The following FAM177B variants were observed in gnomAD, a reference collection of about 807,000 sequenced individuals.
FAM177B encodes the protein protein FAM177B.
FAM177B carries 16 observed loss-of-function variants against 16.1 expected under a neutral mutation model. The ratio of observed to expected loss-of-function variants is 0.99; its 90% CI spans 0.67 to 1.51. The LOEUF (loss-of-function observed/expected upper bound fraction) is 1.51. Among genes scored for constraint, FAM177B ranks in the 40% most tolerant of loss-of-function variants. The probability of loss-of-function intolerance (pLI) is 0.00; values close to 1 mark genes in which losing one functional copy is unlikely to be tolerated. For synonymous variants in FAM177B, 56 were observed against 59.9 expected (o/e 0.93, Z 0.30); for missense variants, 178 against 183.7 (o/e 0.97, Z 0.18).
At chr1:222,747,795 A>G (rs767799354) in intron 4 of FAM177B, among the ~76,000 whole-genome samples, 2 of 152,238 alleles carry the variant, frequency 1.3e-5, no homozygotes, top group African/African-American at 2.4e-5. Context: ...AGTGTCTACT[A>G]TATGCTCAGC....
chr1:222,749,106 C>T (rs1263475209), intron 4 of FAM177B: 4 of 470,950 alleles, frequency 8.5e-6, no homozygotes, highest in Admixed American at 7.1e-5. Flanking sequence ...TTGAAATATA[C>T]TTGGAGCAGA....
chr1:222,745,603 A>C (rs61824336), intron 2 of FAM177B, among the ~76,000 whole-genome samples: 128,115 of 151,814 alleles, frequency 0.84, 54,089 homozygotes, highest in East Asian at 0.92. Context: ...GGTGACAGAG[A>C]AAGACTCTGT....
Position 222,749,375 on chromosome 1 carries a change from T to A in FAM177B, c.242-90T>A. On this transcript the variant is annotated intron_variant, in intron 4 of 5. Coordinates refer to ENST00000445590, the MANE Select transcript of FAM177B (RefSeq NM_001394345.1). ...TAGTAATAGACCACTATTACTATAC[T>A]ATCAGAATAGTTTAAACTCTGGGCA... The A allele has an allele frequency of 4.2e-6, 3 of 708,790 alleles. No homozygotes were observed. In the South Asian group the frequency reaches 5.6e-5, roughly 13 times the overall value. 43.9% of individuals were successfully genotyped at this position (708,790 alleles called of 1,614,324 possible). A position where few individuals can be genotyped will look rare whatever the true frequency, so the allele number is the denominator to read the frequency against.
rs369907456 is a variant in FAM177B at position 222,741,057 on chromosome 1, CTTT to C, written c.-16+3055_-16+3057del. Among the ~76,000 whole-genome samples the C allele has an allele frequency of 2.7e-3, 220 of 82,186 alleles. 5 individuals are homozygous for C. In the South Asian group the frequency reaches 0.043, roughly 16 times the overall value. The allele number at this position is 82,186 out of a possible 152,430, so 53.9% of individuals were successfully genotyped here. A position where few individuals can be genotyped will look rare whatever the true frequency, so the allele number is the denominator to read the frequency against. On this transcript the variant is annotated intron_variant, in intron 2 of 5. Transcript: ENST00000445590. ...TTTATTGCATCTTACTTTTTGTTTT[CTTT>C]TTTTTTTTTTTTTTTTTTGAGACAG...
rs1318004089 is a variant in FAM177B at position 222,749,383 on chromosome 1, T to A, written c.242-82T>A. The A allele has an allele frequency of 4.0e-6, 3 of 742,240 alleles. No individual in the cohort carries two copies. The East Asian group carries it at 7.5e-5, about 19-fold the overall frequency. The allele number at this position is 742,240 out of a possible 1,614,324, so 46.0% of individuals were successfully genotyped here. A position where few individuals can be genotyped will look rare whatever the true frequency, so the allele number is the denominator to read the frequency against. On this transcript the variant is annotated intron_variant, in intron 4 of 5. Coordinates refer to ENST00000445590, the MANE Select transcript of FAM177B (RefSeq NM_001394345.1). ...GACCACTATTACTATACTATCAGAA[T>A]AGTTTAAACTCTGGGCATCTCAACT...
intron 1 of FAM177B, among the ~76,000 whole-genome samples, chr1:222,737,617 A>C (rs776979570): frequency 6.6e-6 from 1 of 152,132 alleles, no homozygotes; most frequent in African/African-American, 2.4e-5. Context: ...GAAAGCTCGT[A>C]GGGGTTAGGT....
chr1:222,749,614 C>A, intron 5 of FAM177B, 52 bp downstream of exon 5: 1 of 1,136,256 alleles, frequency 8.8e-7, no homozygotes. Flanking sequence ...ATATTGGTTG[C>A]TCCAAATTTA....
intron 2 of FAM177B, among the ~76,000 whole-genome samples, chr1:222,744,111 A>T (rs1260335034): frequency 6.6e-6 from 1 of 152,182 alleles, no homozygotes; most frequent in East Asian, 1.9e-4. Context: ...CTGGAATAGG[A>T]AGAATTATTC....
At position 222,737,992 on chromosome 1, in the gene FAM177B, T is replaced by C. The variant is rs544937039; in HGVS notation, c.-45T>C. The C allele has an allele frequency of 6.6e-6, 1 of 152,324 alleles. No homozygotes were observed. Among genetic ancestry groups the C allele is most frequent in the Non-Finnish European group, 1.5e-5 (1 of 68,034 alleles). The allele number at this position is 152,324 out of a possible 1,614,324, so 9.4% of individuals were successfully genotyped here. Reference sequence around the variant, plus strand: ...CTGGAAGAACAGAGTTGCCATTTATTGAGATGAGAAGGCTGCCAGAAGAGT... The same window carrying C: ...CTGGAAGAACAGAGTTGCCATTTATCGAGATGAGAAGGCTGCCAGAAGAGT... On this transcript the variant is annotated 5_prime_UTR_variant, in exon 2 of 6. Transcript: ENST00000445590.
chr1:222,737,594 C>G (rs977948363), intron 1 of FAM177B, among the ~76,000 whole-genome samples: 3 of 152,074 alleles, frequency 2.0e-5, no homozygotes, highest in Non-Finnish European at 2.9e-5. Flanking sequence ...GAGAGTAGTA[C>G]AAGATGGCGT....
intron 2 of FAM177B, among the ~76,000 whole-genome samples, chr1:222,741,348 G>A (rs906140118): frequency 6.6e-6 from 1 of 151,986 alleles, no homozygotes; most frequent in Non-Finnish European, 1.5e-5. Flanking sequence ...ATAGGCATGA[G>A]CCACCATGCC....
In FAM177B at chr1:222,749,972, G is replaced by T. The variant is rs893860158; in HGVS notation, c.391G>T (p.Val131Phe). ...AGGATCAAAGGCCCAGGCAGCTGAGGTTCCTAATGAAAAGTGTCACTTGGA... is the reference window on the plus strand; with the variant it reads ...AGGATCAAAGGCCCAGGCAGCTGAGTTTCCTAATGAAAAGTGTCACTTGGA... ...RRGSKAQAAE[V>F]PNEKCHLEAG... The change falls in exon 6 of 6, where the codon GTT becomes TTT. Residue 131 changes from valine (V) to phenylalanine (F), a missense_variant. Coordinates refer to ENST00000445590, the MANE Select transcript of FAM177B (RefSeq NM_001394345.1). 1.2e-6 allele frequency: 2 copies of T among 1,614,056 alleles called. No homozygotes were observed. The highest frequency in any genetic ancestry group is 1.7e-6 in the Non-Finnish European group (2 of 1,179,940).
intron 5 of FAM177B, 86 bp downstream of exon 5, chr1:222,749,648 C>A: frequency 1.2e-6 from 1 of 823,416 alleles, no homozygotes; most frequent in Non-Finnish European, 2.0e-6. Context: ...AAGTATTTTT[C>A]CCACCTGGTC....
intron 5 of FAM177B, 48 bp from the exon 6 acceptor site, chr1:222,749,873 G>A (rs1319406860): frequency 2.5e-6 from 4 of 1,599,702 alleles, no homozygotes; most frequent in Non-Finnish European, 3.4e-6. Context: ...GGAGTTCAGA[G>A]GTCTTTGTTT....
chr1:222,741,250 G>T (rs1280709845), intron 2 of FAM177B, among the ~76,000 whole-genome samples: 1 of 151,228 alleles, frequency 6.6e-6, no homozygotes, highest in African/African-American at 2.4e-5. Context: ...TTTTAGTATA[G>T]ACGGGTTTTC....
At chr1:222,746,506 A>T in intron 2 of FAM177B, 25 bp from the exon 3 acceptor site, 1 of 1,431,472 alleles carries the variant, frequency 7.0e-7, no homozygotes, top group Non-Finnish European at 9.6e-7. Flanking sequence ...ACTTGCCCTA[A>T]GGTGCCCTGT....
At chr1:222,741,769 T>G (rs1313168949) in intron 2 of FAM177B, among the ~76,000 whole-genome samples, 1 of 148,452 alleles carries the variant, frequency 6.7e-6, no homozygotes, top group Non-Finnish European at 1.5e-5. Context: ...TCTTTTTCTT[T>G]CTTCCTTTCT....
At position 222,749,915 on chromosome 1, in the gene FAM177B, A is replaced by G. The variant is rs369687462; in HGVS notation, c.340-6A>G. The G allele has an allele frequency of 7.4e-6, 12 of 1,614,074 alleles. No individual in the cohort carries two copies. Among genetic ancestry groups the G allele is most frequent in the Non-Finnish European group, 1.0e-5 (12 of 1,179,904 alleles). ...TTAAACATTTCCTTATTTCTCTCCA[A>G]AACAGAAAAGTGACAACAAAAGTGA... is the stretch of plus-strand genomic sequence containing the variant. On this transcript the variant is annotated splice_polypyrimidine_tract_variant and splice_region_variant and intron_variant, in intron 5 of 5. Transcript: ENST00000445590.
chr1:222,749,769 G>A (rs1282466963), intron 5 of FAM177B, 152 bp from the exon 6 acceptor site: 6 of 889,718 alleles, frequency 6.7e-6, no homozygotes, highest in Non-Finnish European at 1.8e-6. Context: ...AAGTTAGGAT[G>A]TCATGAGCTG....
Sources: allele counts gnomAD v4.1 joint callset (sites outside exome capture counted in the v4.1 genomes callset), GRCh38; gene constraint gnomAD v4.1.1; transcripts MANE v1.5; gene names NCBI Gene and HGNC (gene_info 2026-07-23, HGNC 2026-07-21).